The following CTDSPL2 variants were observed in gnomAD, a reference collection of about 807,000 sequenced individuals.
CTDSPL2 encodes the protein CTD small phosphatase-like protein 2.
Under a neutral mutation model 60.0 loss-of-function variants are expected in CTDSPL2, and 5 were observed. The observed-to-expected ratio is 0.08, with a 90% CI of 0.04 to 0.18. The LOEUF (loss-of-function observed/expected upper bound fraction) is 0.18. Ranked by LOEUF, CTDSPL2 falls within the 10% of genes least tolerant of loss-of-function variation. The probability of loss-of-function intolerance (pLI) is 1.00; values close to 1 mark genes in which losing one functional copy is unlikely to be tolerated. For synonymous variants in CTDSPL2, 186 were observed against 189.3 expected (o/e 0.98, Z 0.14); for missense variants, 370 against 548.8 (o/e 0.67, Z 3.26).
At chr15:44,491,861 A>G (rs2081219707) in intron 5 of CTDSPL2, among the ~76,000 whole-genome samples, 1 of 152,084 alleles carries the variant, frequency 6.6e-6, no homozygotes, top group Non-Finnish European at 1.5e-5. Context: ...AGCCTGGGCA[A>G]AAGAGCCAGA....
At chr15:44,500,120 C>A (rs893112500) in intron 8 of CTDSPL2, among the ~76,000 whole-genome samples, 6 of 152,152 alleles carry the variant, frequency 3.9e-5, no homozygotes, top group African/African-American at 1.4e-4. Context: ...GAGGAACTTG[C>A]CAGGTTAACT....
chr15:44,442,804 C>A (rs996926897), intron 1 of CTDSPL2, among the ~76,000 whole-genome samples: 1 of 151,940 alleles, frequency 6.6e-6, no homozygotes, highest in Non-Finnish European at 1.5e-5. Flanking sequence ...AGTGGTACCC[C>A]AGCTCTACAA....
chr15:44,499,590 A>G (rs2081355241), intron 7 of CTDSPL2, 137 bp from the exon 8 acceptor site: 1 of 478,216 alleles, frequency 2.1e-6, no homozygotes, highest in South Asian at 3.0e-5. Context: ...TTGCTGTGCC[A>G]CATATAGTAA....
At chr15:44,453,204 G>A (rs570289290) in intron 1 of CTDSPL2, among the ~76,000 whole-genome samples, 5 of 152,168 alleles carry the variant, frequency 3.3e-5, no homozygotes, top group African/African-American at 9.6e-5. Flanking sequence ...GAGAGGGGCC[G>A]TCCTTGTCTT....
intron 2 of CTDSPL2, among the ~76,000 whole-genome samples, chr15:44,473,108 A>G (rs1399839512): frequency 1.3e-5 from 2 of 151,390 alleles, no homozygotes; most frequent in Non-Finnish European, 3.0e-5. Context: ...TGAGTTCTTG[A>G]TATAATCTAG....
intron 11 of CTDSPL2, among the ~76,000 whole-genome samples, 185 bp downstream of exon 11, chr15:44,519,480 A>T (rs926803182): frequency 7.2e-5 from 11 of 152,208 alleles, no homozygotes; most frequent in Admixed American, 3.3e-4. Flanking sequence ...TTTTTACTTA[A>T]ATGACATGCA....
chr15:44,504,365 G>T (rs926659326), intron 8 of CTDSPL2, among the ~76,000 whole-genome samples: 1 of 152,010 alleles, frequency 6.6e-6, no homozygotes. Context: ...AGAAAAGAAA[G>T]AACAAGAGAA....
At chr15:44,490,663 T>C (rs904040089) in intron 4 of CTDSPL2, 121 bp from the exon 5 acceptor site, 21 of 710,658 alleles carry the variant, frequency 3.0e-5, no homozygotes, top group Non-Finnish European at 4.4e-5. Flanking sequence ...AGCAATATAC[T>C]CAGCTTTGTT....
intron 2 of CTDSPL2, among the ~76,000 whole-genome samples, chr15:44,482,460 G>A (rs2081046412): frequency 6.6e-6 from 1 of 152,198 alleles, no homozygotes; most frequent in South Asian, 2.1e-4. Context: ...ATGTATGTAT[G>A]TTATAGCAGC....
chr15:44,451,401 C>T (rs997899654), intron 1 of CTDSPL2, among the ~76,000 whole-genome samples: 5 of 152,110 alleles, frequency 3.3e-5, no homozygotes, highest in African/African-American at 9.7e-5. Flanking sequence ...TGAGCCACCA[C>T]GCTCAGCCTA....
At chr15:44,458,917 G>A in intron 1 of CTDSPL2, 74 bp from the exon 2 acceptor site, 1 of 963,082 alleles carries the variant, frequency 1.0e-6, no homozygotes, top group Non-Finnish European at 1.4e-6. Flanking sequence ...ATATAAGCTG[G>A]GCACATTTGG....
In CTDSPL2 at chr15:44,508,202, C is replaced by T. The variant is rs1289914022; in HGVS notation, c.970-6396C>T. Among the ~76,000 whole-genome samples the T allele has an allele frequency of 2.0e-5, 3 of 152,120 alleles. No individual in the cohort carries two copies. The East Asian group carries it at 5.8e-4, about 29-fold the overall frequency. Reference sequence around the variant, plus strand: ...GGTTCAAGCAATTCTCCTGCCTCAGCCCCCTGAGTAGCCGGGACTACGGGC... The same window carrying T: ...GGTTCAAGCAATTCTCCTGCCTCAGTCCCCTGAGTAGCCGGGACTACGGGC... On this transcript the variant is annotated intron_variant, in intron 8 of 12. Coordinates refer to ENST00000260327, the MANE Select transcript of CTDSPL2 (RefSeq NM_016396.3).
chr15:44,481,670 T>C (rs1312966930), intron 2 of CTDSPL2, among the ~76,000 whole-genome samples: 1 of 152,090 alleles, frequency 6.6e-6, no homozygotes, highest in Non-Finnish European at 1.5e-5. Context: ...ACCTCCCGGG[T>C]TCAAGCGATT....
At chr15:44,491,280 T>A (rs1280450571) in intron 5 of CTDSPL2, among the ~76,000 whole-genome samples, 1 of 152,216 alleles carries the variant, frequency 6.6e-6, no homozygotes, top group African/African-American at 2.4e-5. Context: ...ACAAAATATA[T>A]GCTCATGTTT....
At chr15:44,464,971 G>T (rs766338693) in intron 2 of CTDSPL2, among the ~76,000 whole-genome samples, 6 of 152,166 alleles carry the variant, frequency 3.9e-5, no homozygotes, top group Non-Finnish European at 7.4e-5. Context: ...CTCCCAAAGT[G>T]CTGGGATTAC....
At chr15:44,521,862 C>T (rs1001122259) in intron 12 of CTDSPL2, among the ~76,000 whole-genome samples, 2 of 123,650 alleles carry the variant, frequency 1.6e-5, no homozygotes, top group Non-Finnish European at 1.6e-5. Flanking sequence ...GGCGTGAACC[C>T]GGGAGGCGGA....
At position 44,469,047 on chromosome 15, in the gene CTDSPL2, C is replaced by T. The variant is rs145667837; in HGVS notation, c.186+9847C>T. Among the ~76,000 whole-genome samples the T allele has an allele frequency of 4.3e-3, 657 of 152,252 alleles. 4 individuals carry two copies. The highest frequency in any genetic ancestry group is 0.015 in the African/African-American group (635 of 41,536). ...TTTACTTAATAATGGCCCCAGAGTA[C>T]AAGACTAGTGATGCTGATAATTGTT... On this transcript the variant is annotated intron_variant, in intron 2 of 12. Transcript: ENST00000260327.
intron 2 of CTDSPL2, among the ~76,000 whole-genome samples, chr15:44,474,251 A>C (rs2080868970): frequency 6.6e-6 from 1 of 152,060 alleles, no homozygotes; most frequent in Non-Finnish European, 1.5e-5. Context: ...TAGGAGGCCG[A>C]GAAGGGCAGA....
intron 8 of CTDSPL2, chr15:44,502,018 C>T (rs2081388804): frequency 2.2e-6 from 1 of 453,056 alleles, no homozygotes; most frequent in Non-Finnish European, 4.4e-6. Flanking sequence ...CTGAGATGAT[C>T]TAAGAGATAT....
Sources: gnomAD v4.1 joint callset for allele counts (sites outside exome capture counted in the v4.1 genomes callset) on GRCh38, gnomAD v4.1.1 for gene constraint, MANE v1.5 for transcripts, NCBI Gene and HGNC (gene_info 2026-07-23, HGNC 2026-07-21) for gene names.